Variants in TENM3 observed in about 807,000 individuals in gnomAD.
TENM3 encodes the protein teneurin transmembrane protein 3, also known as teneurin-3.
TENM3 carries 63 observed loss-of-function variants against 255.1 expected under a neutral mutation model. The ratio of observed to expected loss-of-function variants is 0.25; its 90% CI spans 0.20 to 0.30. TENM3 has a LOEUF of 0.30. Among genes scored for constraint, TENM3 ranks in the 10% least tolerant of loss-of-function variants. The pLI, the probability that TENM3 is intolerant of heterozygous loss-of-function variation, is 1.00. For missense variants in TENM3, 2,929 were observed against 3,461.1 expected (o/e 0.85, Z 3.86); for synonymous variants, 1,306 against 1,322.3 (o/e 0.99, Z 0.27).
chr4:181,978,873 A>T, the TENM3 span, among the ~76,000 whole-genome samples: 1 of 150,740 alleles, frequency 6.6e-6, no homozygotes, highest in Non-Finnish European at 1.5e-5. Context: ...TGTTCTGCTT[A>T]AAAGAATATA....
At chr4:181,851,330 A>G in the TENM3 span, among the ~76,000 whole-genome samples, 1 of 152,188 alleles carries the variant, frequency 6.6e-6, no homozygotes, top group African/African-American at 2.4e-5. Flanking sequence ...AGTCGATTGT[A>G]GCACTCCATG....
intron 3 of TENM3, among the ~76,000 whole-genome samples, chr4:182,368,550 A>G (rs1231975744): frequency 6.6e-6 from 1 of 152,186 alleles, no homozygotes; most frequent in East Asian, 1.9e-4. Flanking sequence ...GAGGGCTGTT[A>G]CCATTTTGTC....
the TENM3 span, among the ~76,000 whole-genome samples, chr4:181,914,751 G>A: frequency 1.2e-4 from 18 of 152,152 alleles, no homozygotes; most frequent in African/African-American, 4.3e-4. Flanking sequence ...AAGAAGACAG[G>A]ATGAATGATA....
the TENM3 span, among the ~76,000 whole-genome samples, chr4:181,641,681 A>T: frequency 2.4e-4 from 20 of 82,634 alleles, no homozygotes; most frequent in Non-Finnish European, 4.3e-4. Flanking sequence ...TATATATATA[A>T]AATATATATA....
chr4:182,688,153 T>C lies in TENM3; in HGVS notation c.2036-13T>C. 1 of 1,578,934 alleles carries C rather than the reference T, an allele frequency of 6.3e-7. No homozygotes were observed. The highest frequency in any genetic ancestry group is 8.6e-7 in the Non-Finnish European group (1 of 1,158,234). On this transcript the variant is annotated splice_polypyrimidine_tract_variant and intron_variant, in intron 11 of 27. Transcript: ENST00000511685. ...TCTTCTCTCCTGTTTTGTGTCCTCT[T>C]CCTCCCACATAGAAATATGTTCTGT...
the TENM3 span, among the ~76,000 whole-genome samples, chr4:181,926,089 A>C: frequency 1.3e-5 from 2 of 152,234 alleles, no homozygotes; most frequent in African/African-American, 4.8e-5. Flanking sequence ...GTTCTATAGA[A>C]TATGCAGCCA....
intron 3 of TENM3, among the ~76,000 whole-genome samples, chr4:182,480,963 T>G (rs1302903728): frequency 6.6e-6 from 1 of 152,088 alleles, no homozygotes; most frequent in Non-Finnish European, 1.5e-5. Context: ...TGAGAGAGTT[T>G]CCTTTTTTTC....
At chr4:181,552,497 C>T in the TENM3 span, among the ~76,000 whole-genome samples, 2 of 152,184 alleles carry the variant, frequency 1.3e-5, no homozygotes, top group South Asian at 4.1e-4. Flanking sequence ...ATCATTAGTT[C>T]CTCTCGTAAG....
intron 4 of TENM3, among the ~76,000 whole-genome samples, chr4:182,620,062 T>G (rs1405387432): frequency 6.6e-6 from 1 of 152,172 alleles, no homozygotes; most frequent in Non-Finnish European, 1.5e-5. Context: ...AAGCATATGT[T>G]TTTGATAGCA....
Position 182,346,337 on chromosome 4 carries a change from T to A in TENM3, c.233-314T>A, listed in dbSNP as rs6841633. 0.94 allele frequency among the ~76,000 whole-genome samples: 142,613 copies of A among 152,146 alleles called. 67,332 individuals are homozygous for A. The highest frequency in any genetic ancestry group is 1 in the East Asian group (5,133 of 5,136). On this transcript the variant is annotated intron_variant, in intron 2 of 27. Transcript: ENST00000511685. ...CACAAGTCTGCTAAACAAAATTCTATCATTGCACTAATCCTTTCTCTGGGT... is the reference window on the plus strand; with the variant it reads ...CACAAGTCTGCTAAACAAAATTCTAACATTGCACTAATCCTTTCTCTGGGT...
At chr4:181,873,967 T>C in the TENM3 span, among the ~76,000 whole-genome samples, 2 of 152,134 alleles carry the variant, frequency 1.3e-5, no homozygotes, top group Non-Finnish European at 2.9e-5. Context: ...GTATTTTTAA[T>C]AGAGACAGGG....
intron 3 of TENM3, among the ~76,000 whole-genome samples, chr4:182,376,773 T>G (rs780743456): frequency 4.6e-5 from 7 of 151,904 alleles, no homozygotes; most frequent in Non-Finnish European, 7.4e-5. Context: ...TCAAATTACT[T>G]TTTTTTTCCT....
At chr4:181,703,091 A>C in the TENM3 span, among the ~76,000 whole-genome samples, 1 of 152,198 alleles carries the variant, frequency 6.6e-6, no homozygotes, top group Non-Finnish European at 1.5e-5. Context: ...TGAGGATCAC[A>C]CAGTAAGCAC....
chr4:182,660,943 A>G (rs1335970886), intron 6 of TENM3, among the ~76,000 whole-genome samples: 1 of 152,118 alleles, frequency 6.6e-6, no homozygotes, highest in African/African-American at 2.4e-5. Flanking sequence ...ACATTTCAAC[A>G]CCAGCTTGAC....
intron 2 of TENM3, among the ~76,000 whole-genome samples, chr4:182,335,766 T>C (rs1194971068): frequency 6.6e-6 from 1 of 152,172 alleles, no homozygotes; most frequent in East Asian, 1.9e-4. Flanking sequence ...TTGGGAAATA[T>C]GTTTATAATT....
the TENM3 span, among the ~76,000 whole-genome samples, chr4:182,115,545 A>G: frequency 6.6e-6 from 1 of 152,188 alleles, no homozygotes; most frequent in African/African-American, 2.4e-5. Flanking sequence ...TTCCCAAGGC[A>G]GGGAATGGGA....
the TENM3 span, among the ~76,000 whole-genome samples, chr4:181,640,436 G>T: frequency 7.9e-5 from 12 of 152,202 alleles, no homozygotes; most frequent in Admixed American, 6.5e-4. Context: ...CATGATGTAG[G>T]GATTGTTATA....
intron 12 of TENM3, among the ~76,000 whole-genome samples, chr4:182,689,504 C>A (rs1756853783): frequency 6.6e-6 from 1 of 152,192 alleles, no homozygotes; most frequent in Non-Finnish European, 1.5e-5. Flanking sequence ...ACCACGCCCC[C>A]ACGCTGGTGA....
chr4:182,341,358 A>T (rs1199701949), intron 2 of TENM3, among the ~76,000 whole-genome samples: 1 of 152,226 alleles, frequency 6.6e-6, no homozygotes, highest in African/African-American at 2.4e-5. Context: ...TATAACAGTT[A>T]TATATCTCCT....
Sources: gnomAD v4.1 joint callset for allele counts (sites outside exome capture counted in the v4.1 genomes callset) on GRCh38, gnomAD v4.1.1 for gene constraint, MANE v1.5 for transcripts, NCBI Gene and HGNC (gene_info 2026-07-23, HGNC 2026-07-21) for gene names.